CTTNBP2NL: variants seen among roughly 807,000 people sequenced by gnomAD.
The protein encoded by CTTNBP2NL is CTTNBP2 N-terminal like, also known as CTTNBP2 N-terminal-like protein.
Under a neutral mutation model 32.5 loss-of-function variants are expected in CTTNBP2NL, and 16 were observed. The ratio of observed to expected loss-of-function variants is 0.49; its 90% CI spans 0.33 to 0.75. The LOEUF (loss-of-function observed/expected upper bound fraction) is 0.75. Among genes scored for constraint, CTTNBP2NL ranks in the 30% least tolerant of loss-of-function variants. The pLI, the probability that CTTNBP2NL is intolerant of heterozygous loss-of-function variation, is 0.02. For synonymous variants in CTTNBP2NL, 298 were observed against 289.4 expected (o/e 1.03, Z -0.30); for missense variants, 645 against 756.0 (o/e 0.85, Z 1.72).
upstream of CTTNBP2NL, among the ~76,000 whole-genome samples, chr1:112,394,066 C>T (rs2100984383): frequency 6.6e-6 from 1 of 152,120 alleles, no homozygotes; most frequent in East Asian, 1.9e-4. Context: ...ATTAGCTGGG[C>T]ACAGTGACAG....
chr1:112,438,367 A>C (rs556342012), intron 3 of CTTNBP2NL, among the ~76,000 whole-genome samples: 3 of 152,258 alleles, frequency 2.0e-5, no homozygotes, highest in African/African-American at 7.2e-5. Context: ...GTGTGTAGGA[A>C]TGCTAGTGAT....
chr1:112,427,763 G>T (rs1211629462), intron 3 of CTTNBP2NL, among the ~76,000 whole-genome samples: 1 of 152,050 alleles, frequency 6.6e-6, no homozygotes, highest in Non-Finnish European at 1.5e-5. Context: ...AGACATGGTG[G>T]CATGCACCTG....
chr1:112,416,503 CTTTT>C (rs11384993), intron 3 of CTTNBP2NL, among the ~76,000 whole-genome samples: 1 of 145,676 alleles, frequency 6.9e-6, no homozygotes, highest in Non-Finnish European at 1.5e-5. Flanking sequence ...GAACTTCATT[CTTTT>C]TTTTTTTTTG....
At chr1:112,434,393 C>G (rs1457532374) in intron 3 of CTTNBP2NL, among the ~76,000 whole-genome samples, 1 of 152,208 alleles carries the variant, frequency 6.6e-6, no homozygotes, top group Non-Finnish European at 1.5e-5. Context: ...TTCAAAGTAT[C>G]TGTGTGTCTT....
rs536999248 is a variant in CTTNBP2NL at position 112,418,611 on chromosome 1, C to T, written c.99+2347C>T. 6.6e-5 allele frequency among the ~76,000 whole-genome samples: 10 copies of T among 151,896 alleles called. No homozygotes were observed. In the Middle Eastern group the frequency reaches 0.01, roughly 155 times the overall value. On this transcript the variant is annotated intron_variant, in intron 3 of 5. Coordinates refer to ENST00000271277, the MANE Select transcript of CTTNBP2NL (RefSeq NM_018704.3). Reference sequence around the variant, plus strand: ...TTATGAACGTCTTTCCCTTTTATTACTTTAATTTCATGAATAAGAACACCA... The same window carrying T: ...TTATGAACGTCTTTCCCTTTTATTATTTTAATTTCATGAATAAGAACACCA...
At chr1:112,452,230 G>T (rs1300804042) in intron 4 of CTTNBP2NL, among the ~76,000 whole-genome samples, 1 of 151,876 alleles carries the variant, frequency 6.6e-6, no homozygotes, top group Non-Finnish European at 1.5e-5. Flanking sequence ...CTATTAACAG[G>T]TGCGATCATA....
Position 112,450,294 on chromosome 1 carries a change from C to G in CTTNBP2NL, c.330+1122C>G, listed in dbSNP as rs545170156. 3.0e-4 allele frequency among the ~76,000 whole-genome samples: 45 copies of G among 152,202 alleles called. 1 individual carries two copies. The South Asian group carries it at 8.7e-3, about 30-fold the overall frequency. On this transcript the variant is annotated intron_variant, in intron 4 of 5. Coordinates refer to ENST00000271277, the MANE Select transcript of CTTNBP2NL (RefSeq NM_018704.3). Reference sequence around the variant, plus strand: ...ATAGGCCTCAGATGTTCCACAGTCCCCCAGAAAATAGACAGAATGTTCAGA... The same window carrying G: ...ATAGGCCTCAGATGTTCCACAGTCCGCCAGAAAATAGACAGAATGTTCAGA...
chr1:112,395,171 G>A (rs539326354), upstream of CTTNBP2NL, among the ~76,000 whole-genome samples: 10 of 152,306 alleles, frequency 6.6e-5, no homozygotes, highest in South Asian at 2.1e-3. Context: ...AATGTATTAA[G>A]TGTACTACAT....
intron 3 of CTTNBP2NL, among the ~76,000 whole-genome samples, chr1:112,427,352 G>C (rs1649432694): frequency 6.6e-6 from 1 of 152,196 alleles, no homozygotes; most frequent in South Asian, 2.1e-4. Flanking sequence ...TGCTGCTCCA[G>C]AGTCAGTTGT....
chr1:112,415,652 G>A (rs910280511), intron 2 of CTTNBP2NL, among the ~76,000 whole-genome samples: 7 of 151,320 alleles, frequency 4.6e-5, no homozygotes, highest in East Asian at 3.9e-4. Flanking sequence ...TGCCTCCCGC[G>A]TTCAAGTGAT....
intron 2 of CTTNBP2NL, among the ~76,000 whole-genome samples, chr1:112,415,382 G>A (rs913658838): frequency 3.9e-5 from 6 of 152,018 alleles, no homozygotes; most frequent in African/African-American, 1.4e-4. Context: ...CTCTTTTCCC[G>A]AATTTTATTT....
chr1:112,446,545 A>G (rs1213369547), intron 3 of CTTNBP2NL, among the ~76,000 whole-genome samples: 1 of 152,040 alleles, frequency 6.6e-6, no homozygotes, highest in African/African-American at 2.4e-5. Context: ...TACTTTCAGT[A>G]TGTTTTATTT....
intron 5 of CTTNBP2NL, among the ~76,000 whole-genome samples, 169 bp downstream of exon 5, chr1:112,454,725 T>A (rs1650315798): frequency 6.6e-6 from 1 of 152,250 alleles, no homozygotes; most frequent in Non-Finnish European, 1.5e-5. Context: ...TTTGTTAGGA[T>A]CTTTAGTATG....
At chr1:112,408,203 T>A (rs1057303034) in intron 1 of CTTNBP2NL, among the ~76,000 whole-genome samples, 1 of 148,516 alleles carries the variant, frequency 6.7e-6, no homozygotes, top group African/African-American at 2.6e-5. Flanking sequence ...AAAATTACTT[T>A]CTTTCTTTTT....
At chr1:112,430,980 T>C (rs2483351) in intron 3 of CTTNBP2NL, among the ~76,000 whole-genome samples, 84,058 of 152,112 alleles carry the variant, frequency 0.55, 24,348 homozygotes, top group South Asian at 0.71. Flanking sequence ...TTTAGGGGTT[T>C]AAGAATGAAG....
chr1:112,422,170 TG>T (rs1649251546), intron 3 of CTTNBP2NL, among the ~76,000 whole-genome samples: 1 of 152,294 alleles, frequency 6.6e-6, no homozygotes, highest in African/African-American at 2.4e-5. Context: ...CCCAAACCAC[TG>T]ATCTGCTTTC....
At chr1:112,437,308 T>C (rs1041282882) in intron 3 of CTTNBP2NL, among the ~76,000 whole-genome samples, 1 of 152,236 alleles carries the variant, frequency 6.6e-6, no homozygotes, top group African/African-American at 2.4e-5. Flanking sequence ...TTTTGACTTT[T>C]TAATAATAGC....
chr1:112,423,885 G>T (rs1300622162), intron 3 of CTTNBP2NL, among the ~76,000 whole-genome samples: 1 of 152,004 alleles, frequency 6.6e-6, no homozygotes, highest in Non-Finnish European at 1.5e-5. Context: ...CATCATACCC[G>T]GCTAATTTTT....
intron 3 of CTTNBP2NL, among the ~76,000 whole-genome samples, chr1:112,428,552 G>T (rs1431506368): frequency 6.6e-6 from 1 of 152,048 alleles, no homozygotes; most frequent in African/African-American, 2.4e-5. Flanking sequence ...TTTGGGGGAA[G>T]AAAAAAGAAG....
Sources: allele counts gnomAD v4.1 joint callset (sites outside exome capture counted in the v4.1 genomes callset), GRCh38; gene constraint gnomAD v4.1.1; transcripts MANE v1.5; gene names NCBI Gene and HGNC (gene_info 2026-07-23, HGNC 2026-07-21).